RBM5: variants seen among roughly 807,000 people sequenced by gnomAD.
RBM5 encodes RNA binding motif protein 5.
Under a neutral mutation model 124.6 loss-of-function variants are expected in RBM5, and 15 were observed. The observed-to-expected ratio is 0.12, with a 90% CI of 0.08 to 0.19. RBM5 has a LOEUF of 0.19. RBM5 is among the 10% of genes least tolerant of loss of function. The pLI, the probability that RBM5 is intolerant of heterozygous loss-of-function variation, is 1.00. For missense variants in RBM5, 580 were observed against 1,026.5 expected (o/e 0.57, Z 5.94); for synonymous variants, 337 against 361.2 (o/e 0.93, Z 0.76).
intron 21 of RBM5, 110 bp from the exon 22 acceptor site, chr3:50,115,796 T>C (rs944668719): frequency 4.9e-5 from 60 of 1,225,372 alleles, no homozygotes; most frequent in Non-Finnish European, 6.9e-5. Flanking sequence ...TATGTGATTG[T>C]GTATTGTTTG....
intron 21 of RBM5, 90 bp downstream of exon 21, chr3:50,115,697 C>T: frequency 2.1e-6 from 3 of 1,440,000 alleles, no homozygotes; most frequent in Admixed American, 2.2e-5. Context: ...TCCAAAAATA[C>T]CTGCCATCTA....
intron 4 of RBM5, among the ~76,000 whole-genome samples, chr3:50,097,532 T>C (rs1161980750): frequency 1.2e-4 from 19 of 152,068 alleles, no homozygotes; most frequent in Non-Finnish European, 1.9e-4. Context: ...CACCTAGTTA[T>C]GGAAAGTAGA....
At chr3:50,089,801 A>C (rs1044387633) in intron 1 of RBM5, 2 of 154,508 alleles carry the variant, frequency 1.3e-5, no homozygotes, top group Non-Finnish European at 2.9e-5. Context: ...GTTTGTAGTC[A>C]TAAGAACTGG....
rs1330450960 is a variant in RBM5 at position 50,113,371 on chromosome 3, G to C, written c.1456-12G>C. The C allele has an allele frequency of 6.3e-7, 1 of 1,593,546 alleles. No homozygotes were observed. Among genetic ancestry groups the C allele is most frequent in the Non-Finnish European group, 8.5e-7 (1 of 1,173,272 alleles). On this transcript the variant is annotated splice_polypyrimidine_tract_variant and intron_variant, in intron 17 of 24. Transcript: ENST00000347869. ...AGTCTGCATTAATTGTTTTTTGTTT[G>C]TTGTTTTCTAGTACTACTATAATTC...
chr3:50,100,517 G>A lies in RBM5; in HGVS notation c.410-15G>A. On this transcript the variant is annotated splice_polypyrimidine_tract_variant and intron_variant, in intron 5 of 24. Transcript: ENST00000347869. The surrounding 1 kb of genome is among the most constrained non-coding windows in gnomAD (Gnocchi z 5.1). ...TAACACAAGTATCCCGTCTATATCT[G>A]AATGCTGTCTCTAGGTGTAAGCCGT... The A allele has an allele frequency of 6.3e-7, 1 of 1,596,592 alleles. No individual in the cohort carries two copies. The highest frequency in any genetic ancestry group is 1.1e-5 in the South Asian group (1 of 90,606).
Position 50,115,073 on chromosome 3 carries a change from C to T in RBM5, c.1840-355C>T, listed in dbSNP as rs2091220044. 10 of 198,224 alleles carry T rather than the reference C, an allele frequency of 5.0e-5. 2 individuals carry two copies. In the South Asian group the frequency reaches 7.9e-4, roughly 16 times the overall value. The allele number at this position is 198,224 out of a possible 1,614,324, so 12.3% of individuals were successfully genotyped here. ...ATCCCAGCTACTTGGGAGGCTGAGA[C>T]ACTTGAATCACTTGAACCTGGGAGG... On this transcript the variant is annotated intron_variant, in intron 20 of 24. Transcript: ENST00000347869.
At chr3:50,104,432 G>C (rs2090995202) in intron 8 of RBM5, 124 bp downstream of exon 8, 10 of 885,538 alleles carry the variant, frequency 1.1e-5, no homozygotes, top group Non-Finnish European at 1.6e-5. Context: ...GAGGACAGGA[G>C]TTCAATACCA....
intron 3 of RBM5, among the ~76,000 whole-genome samples, chr3:50,092,463 A>C (rs2090720847): frequency 6.6e-6 from 1 of 151,264 alleles, no homozygotes; most frequent in Non-Finnish European, 1.5e-5. Context: ...TGGGAGACTG[A>C]GGTAAGAGAA....
intron 4 of RBM5, 166 bp from the exon 5 acceptor site, chr3:50,099,813 GATC>G (rs1268530026): frequency 3.8e-6 from 2 of 521,330 alleles, no homozygotes; most frequent in African/African-American, 2.0e-5. Flanking sequence ...AGTGAGCTGA[GATC>G]ATGCCACTGC....
chr3:50,090,549 C>T (rs530140844), intron 2 of RBM5, 98 bp downstream of exon 2: 9 of 1,408,932 alleles, frequency 6.4e-6, no homozygotes, highest in Middle Eastern at 1.8e-4. Context: ...GAGTGTTTTG[C>T]GCCAGGCATT....
intron 2 of RBM5, 146 bp downstream of exon 2, chr3:50,090,597 A>G (rs2090686200): frequency 2.2e-6 from 2 of 908,480 alleles, no homozygotes; most frequent in South Asian, 1.5e-5. Context: ...GTCACAAACT[A>G]CAGTCTAGTG....
Position 50,108,320 on chromosome 3 carries a change from T to A in RBM5, c.1192+16T>A. 1 of 1,591,982 alleles carries A rather than the reference T, an allele frequency of 6.3e-7. No individual in the cohort carries two copies. Among genetic ancestry groups the A allele is most frequent in the Non-Finnish European group, 8.6e-7 (1 of 1,159,778 alleles). ...TCTGCATCAGGTAGTAAACTTCATC[T>A]CCCTTTTACCTTTTGTTTAAGCACT... On this transcript the variant is annotated intron_variant, in intron 14 of 24. Coordinates refer to ENST00000347869, the MANE Select transcript of RBM5 (RefSeq NM_005778.4).
At position 50,117,212 on chromosome 3, in the gene RBM5, C is replaced by G. The variant is rs761902566; in HGVS notation, c.2193-38C>G. 1 of 1,614,176 alleles carries G rather than the reference C, an allele frequency of 6.2e-7. No individual in the cohort carries two copies. The highest frequency in any genetic ancestry group is 1.7e-5 in the Admixed American group (1 of 60,022). On this transcript the variant is annotated intron_variant, in intron 23 of 24. Coordinates refer to ENST00000347869, the MANE Select transcript of RBM5 (RefSeq NM_005778.4). This position sits in a 1 kb window ranked among gnomAD's most constrained non-coding sequence, Gnocchi z 4.2. Reference sequence around the variant, plus strand: ...ATTTTCCAGTTCGTAAGCTGGGGCCCTGGCTGTTTTAAGTAACTGTGTGTT... The same window carrying G: ...ATTTTCCAGTTCGTAAGCTGGGGCCGTGGCTGTTTTAAGTAACTGTGTGTT...
At chr3:50,110,897 C>A in intron 17 of RBM5, 127 bp downstream of exon 17, 2 of 703,806 alleles carry the variant, frequency 2.8e-6, no homozygotes, top group South Asian at 2.7e-5. Flanking sequence ...TTCTTCAAAG[C>A]CACCAAAATG....
chr3:50,089,903 C>A (rs937869039), intron 1 of RBM5: 1 of 158,058 alleles, frequency 6.3e-6, no homozygotes, highest in Non-Finnish European at 1.4e-5. Context: ...TAGTAGATTT[C>A]AGTCAGCTCA....
chr3:50,108,456 C>T, intron 14 of RBM5, 152 bp downstream of exon 14: 1 of 768,104 alleles, frequency 1.3e-6, no homozygotes. Context: ...CGCCTGTAAT[C>T]CCAGCACTTT....
Position 50,093,752 on chromosome 3 carries a change from C to A in RBM5, c.216C>A (p.Ser72=). 1 of 1,613,662 alleles carries A rather than the reference C, an allele frequency of 6.2e-7. No individual in the cohort carries two copies. The highest frequency in any genetic ancestry group is 1.1e-5 in the South Asian group (1 of 91,056). Reference sequence around the variant, plus strand: ...GTGAAAGAAGGAACAGTGACCGATCCGAAGATGGCTACCATTCAGATGGTG... The same window carrying A: ...GTGAAAGAAGGAACAGTGACCGATCAGAAGATGGCTACCATTCAGATGGTG... ...RERERRNSDR[S]EDGYHSDGDY... is the part of the protein sequence containing the mutation. The change falls in exon 4 of 25, where the codon TCC becomes TCA. Residue 72 remains serine (S), a synonymous_variant. Coordinates refer to ENST00000347869, the MANE Select transcript of RBM5 (RefSeq NM_005778.4).
At position 50,100,618 on chromosome 3, in the gene RBM5, A is replaced by G. The variant is rs1021253368; in HGVS notation, c.483+13A>G. 1 of 1,582,796 alleles carries G rather than the reference A, an allele frequency of 6.3e-7. No individual in the cohort carries two copies. Among genetic ancestry groups the G allele is most frequent in the Non-Finnish European group, 8.7e-7 (1 of 1,151,700 alleles). Reference sequence around the variant, plus strand: ...GGAAGCCAATCAGGTTGCTTCACTCACCAAGTCTAGATATTCATGAAAATG... The same window carrying G: ...GGAAGCCAATCAGGTTGCTTCACTCGCCAAGTCTAGATATTCATGAAAATG... On this transcript the variant is annotated intron_variant, in intron 6 of 24. Transcript: ENST00000347869. The surrounding 1 kb of genome is among the most constrained non-coding windows in gnomAD (Gnocchi z 5.1).
intron 8 of RBM5, 129 bp from the exon 9 acceptor site, chr3:50,104,948 C>T (rs759839665): frequency 1.5e-4 from 111 of 718,432 alleles, no homozygotes; most frequent in Non-Finnish European, 2.4e-4. Flanking sequence ...ACTATAGGCA[C>T]AAATGCTTAA....
Sources: gnomAD v4.1 joint callset for allele counts (sites outside exome capture counted in the v4.1 genomes callset) on GRCh38, gnomAD v4.1.1 for gene constraint, Gnocchi (gnomAD v3.1) non-coding constraint, MANE v1.5 for transcripts, NCBI Gene and HGNC (gene_info 2026-07-23, HGNC 2026-07-21) for gene names.